CALN1: variants seen among roughly 807,000 people sequenced by gnomAD.
The protein encoded by CALN1 is calneuron 1.
Under a neutral mutation model 30.6 loss-of-function variants are expected in CALN1, and 17 were observed. That is an observed-to-expected ratio of 0.56 (90% CI 0.38 to 0.83). The LOEUF is 0.83. Ranked by LOEUF, CALN1 falls within the 40% of genes least tolerant of loss-of-function variation. CALN1 has a pLI of 0.00. For synonymous variants in CALN1, 156 were observed against 131.4 expected (o/e 1.19, Z -1.28); for missense variants, 291 against 354.9 (o/e 0.82, Z 1.45).
chr7:72,410,079 G>A (rs969007162), intron 1 of CALN1, among the ~76,000 whole-genome samples: 2 of 152,194 alleles, frequency 1.3e-5, no homozygotes, highest in Non-Finnish European at 2.9e-5. Flanking sequence ...TCCATTGTGC[G>A]GGTCATGCCA....
At chr7:72,039,881 T>C (rs1802021074) in intron 4 of CALN1, among the ~76,000 whole-genome samples, 1 of 152,168 alleles carries the variant, frequency 6.6e-6, no homozygotes, top group Non-Finnish European at 1.5e-5. Flanking sequence ...CCATGTGTCA[T>C]TGAGATGGCA....
chr7:72,271,575 A>AAATATATATATATATATATATATATATAT, intron 3 of CALN1, among the ~76,000 whole-genome samples: 2 of 52,126 alleles, frequency 3.8e-5, no homozygotes, highest in Non-Finnish European at 6.2e-5. Context: ...AAAAAAAAAA[A>AAATATATATATATATATATATATATATAT]ATATATATAT....
chr7:72,370,906 G>A (rs933225604), intron 2 of CALN1, among the ~76,000 whole-genome samples: 1 of 151,854 alleles, frequency 6.6e-6, no homozygotes, highest in African/African-American at 2.4e-5. Context: ...AAATTAGCGG[G>A]TTGTGGTGGC....
chr7:71,982,057 C>G (rs1335843732), intron 5 of CALN1, among the ~76,000 whole-genome samples: 1 of 152,184 alleles, frequency 6.6e-6, no homozygotes, highest in Non-Finnish European at 1.5e-5. Context: ...TAGTTGACTT[C>G]TAGCTTTCTC....
chr7:71,945,803 GTAA>G (rs1423071516), intron 5 of CALN1, among the ~76,000 whole-genome samples: 7 of 152,280 alleles, frequency 4.6e-5, no homozygotes, highest in South Asian at 4.1e-4. Context: ...ATATTACAAT[GTAA>G]TAATAATAGA....
Position 72,205,551 on chromosome 7 carries a change from A to AAATATATACATATATAT in CALN1, c.244+73134_244+73135insATATATATGTATATATT. 9.1e-3 allele frequency among the ~76,000 whole-genome samples: 754 copies of AAATATATACATATATAT among 82,940 alleles called. 97 individuals carry two copies. The highest frequency in any genetic ancestry group is 0.032 in the East Asian group (37 of 1,144). 54.4% of individuals were successfully genotyped at this position (82,940 alleles called of 152,430 possible). ...ATTTTTCTCCTGATTGCAAAAAAAA[A>AAATATATACATATATAT]ATATATATATATATATGTATATATA... On this transcript the variant is annotated intron_variant, in intron 3 of 6. Coordinates refer to ENST00000395275, the MANE Select transcript of CALN1 (RefSeq NM_031468.4).
In CALN1 at chr7:71,782,642, A is replaced by G. The variant is rs1361949945; in HGVS notation, c.*5133T>C. ...GAACAGTTGTGACACTCAAATTATC[A>G]TGGAGACTGGGTCGGTAAGAGGCAG... On this transcript the variant is annotated 3_prime_UTR_variant, in exon 7 of 7. Transcript: ENST00000395275. The G allele has an allele frequency of 6.6e-6, 1 of 152,232 alleles. No homozygotes were observed. Among genetic ancestry groups the G allele is most frequent in the East Asian group, 1.9e-4 (1 of 5,194 alleles). The allele number at this position is 152,232 out of a possible 1,614,324, so 9.4% of individuals were successfully genotyped here. A position where few individuals can be genotyped will look rare whatever the true frequency, so the allele number is the denominator to read the frequency against.
rs961353190 is a variant in CALN1, at chr7:71,932,657, CAAAA to C, written c.501+90996_501+90999del. Reference sequence around the variant, plus strand: ...TGAAACCCCGTCTCTACTAAAAATACAAAAAAAAAATTAGCTGGGCGTGGTGGCG... The same window carrying C: ...TGAAACCCCGTCTCTACTAAAAATACAAAAAATTAGCTGGGCGTGGTGGCG... On this transcript the variant is annotated intron_variant, in intron 5 of 6. Coordinates refer to ENST00000395275, the MANE Select transcript of CALN1 (RefSeq NM_031468.4). 5.3e-4 allele frequency among the ~76,000 whole-genome samples: 78 copies of C among 146,924 alleles called. 2 individuals are homozygous for C. The highest frequency in any genetic ancestry group is 1.8e-4 in the Non-Finnish European group (12 of 66,434).
At chr7:71,842,924 A>G (rs1001558982) in intron 5 of CALN1, among the ~76,000 whole-genome samples, 4 of 152,190 alleles carry the variant, frequency 2.6e-5, no homozygotes, top group African/African-American at 9.7e-5. Context: ...AATACTTTAC[A>G]TGACTGTAAA....
chr7:72,413,656 G>A (rs1329546397), upstream of CALN1, among the ~76,000 whole-genome samples: 2 of 151,122 alleles, frequency 1.3e-5, no homozygotes, highest in Non-Finnish European at 3.0e-5. Context: ...TAAACTCACA[G>A]TTATGCACAC....
chr7:72,058,295 G>A (rs1002049842), intron 4 of CALN1, among the ~76,000 whole-genome samples: 3 of 146,158 alleles, frequency 2.1e-5, no homozygotes, highest in Middle Eastern at 3.4e-3. Flanking sequence ...GCTACAAGCT[G>A]CAACAAGCTG....
Position 72,276,028 on chromosome 7 carries a change from G to C in CALN1, c.244+2658C>G, listed in dbSNP as rs1416012169. On this transcript the variant is annotated intron_variant, in intron 3 of 6. Coordinates refer to ENST00000395275, the MANE Select transcript of CALN1 (RefSeq NM_031468.4). Reference sequence around the variant, plus strand: ...AGAAATCATCTCTTGATCATTCATGGCAAAGTTGGGAAGGAGGAAGGGGGG... The same window carrying C: ...AGAAATCATCTCTTGATCATTCATGCCAAAGTTGGGAAGGAGGAAGGGGGG... Among the ~76,000 whole-genome samples the C allele has an allele frequency of 3.3e-5, 5 of 152,192 alleles. No homozygotes were observed. The East Asian group carries it at 9.6e-4, about 29-fold the overall frequency.
At chr7:72,179,566 A>T (rs1210008506) in intron 3 of CALN1, among the ~76,000 whole-genome samples, 5 of 151,986 alleles carry the variant, frequency 3.3e-5, no homozygotes, top group Admixed American at 2.0e-4. Flanking sequence ...AAAATAATAA[A>T]TATATATATA....
At chr7:72,073,505 C>T (rs1055439996) in intron 4 of CALN1, among the ~76,000 whole-genome samples, 1 of 152,120 alleles carries the variant, frequency 6.6e-6, no homozygotes, top group Non-Finnish European at 1.5e-5. Flanking sequence ...CTTCAAAAAC[C>T]TACAATTTCA....
chr7:72,168,531 A>T (rs1382247186), intron 3 of CALN1, among the ~76,000 whole-genome samples: 1 of 152,170 alleles, frequency 6.6e-6, no homozygotes, highest in Non-Finnish European at 1.5e-5. Context: ...GAAATGTTTT[A>T]TTTATAATGT....
intron 5 of CALN1, among the ~76,000 whole-genome samples, chr7:71,830,846 A>G (rs1789233700): frequency 6.6e-6 from 1 of 152,192 alleles, no homozygotes; most frequent in South Asian, 2.1e-4. Flanking sequence ...TTATTCCCAA[A>G]TCACACATCT....
chr7:72,368,150 T>TG (rs1803986285), intron 2 of CALN1, among the ~76,000 whole-genome samples: 1 of 150,264 alleles, frequency 6.7e-6, no homozygotes, highest in African/African-American at 2.5e-5. Flanking sequence ...TCTATATCTA[T>TG]GTGTGTGTAT....
chr7:71,895,684 C>T (rs1334573891), intron 5 of CALN1, among the ~76,000 whole-genome samples: 1 of 152,082 alleles, frequency 6.6e-6, no homozygotes, highest in African/African-American at 2.4e-5. Context: ...AGGTAATATA[C>T]AGAAGAACAA....
At chr7:72,402,288 C>T (rs1806394599) in intron 2 of CALN1, among the ~76,000 whole-genome samples, 1 of 152,206 alleles carries the variant, frequency 6.6e-6, no homozygotes. Context: ...TCCTGGGTCC[C>T]ACAGCCTAGC....
Sources: gnomAD v4.1 joint callset for allele counts (sites outside exome capture counted in the v4.1 genomes callset) on GRCh38, gnomAD v4.1.1 for gene constraint, MANE v1.5 for transcripts, NCBI Gene and HGNC (gene_info 2026-07-23, HGNC 2026-07-21) for gene names.